ALG12: variants seen among roughly 807,000 people sequenced by gnomAD.
The protein encoded by ALG12 is ALG12 alpha-1,6-mannosyltransferase, also known as dol-P-Man:Man(7)GlcNAc(2)-PP-Dol alpha-1,6-mannosyltransferase.
A neutral mutation model predicts 46.0 loss-of-function variants in ALG12; 36 were observed. That is an observed-to-expected ratio of 0.78 (90% CI 0.60 to 1.03). The LOEUF (loss-of-function observed/expected upper bound fraction) is 1.03. Ranked by LOEUF, ALG12 falls within the 50% of genes least tolerant of loss-of-function variation. The pLI, the probability that ALG12 is intolerant of heterozygous loss-of-function variation, is 0.00. For synonymous variants in ALG12, 326 were observed against 291.6 expected (o/e 1.12, Z -1.20); for missense variants, 599 against 633.5 (o/e 0.95, Z 0.58).
the ALG12 span, among the ~76,000 whole-genome samples, chr22:49,867,424 A>G: frequency 1.3e-5 from 2 of 152,146 alleles, no homozygotes; most frequent in East Asian, 3.9e-4. Flanking sequence ...CAGTTGGCTG[A>G]CGGTATTGCT....
chr22:49,884,939 C>T, the ALG12 span: 16 of 1,608,906 alleles, frequency 9.9e-6, no homozygotes, highest in Non-Finnish European at 1.4e-5. Context: ...GCCTCGGCGT[C>T]CTCTCCTGAG....
chr22:49,909,022 T>C (rs1345884505), intron 6 of ALG12, among the ~76,000 whole-genome samples: 2 of 151,270 alleles, frequency 1.3e-5, no homozygotes, highest in Non-Finnish European at 2.9e-5. Context: ...GGCAGGGCTG[T>C]TTCCAGCCCT....
intron 7 of ALG12, 35 bp from the exon 8 acceptor site, chr22:49,904,541 C>A (rs754886909): frequency 6.2e-7 from 1 of 1,611,650 alleles, no homozygotes; most frequent in Admixed American, 1.7e-5. Flanking sequence ...ATAGGCAGAA[C>A]GTAATGACAA....
chr22:49,907,935 G>A lies in ALG12; in HGVS notation c.778C>T (p.Leu260=), dbSNP rs1449263103. The part of the protein sequence containing the change: ...NKSSNWGTSP[L]LWYFYSALPR... ...AGGGCTGAGTAGAAGTACCACAGCA[G>A]CGGGGAGGTCTGCGGGCTGGGTTAA... is the stretch of plus-strand genomic sequence containing the variant. The change falls in exon 7 of 10, where the codon CTG becomes TTG. Residue 260 remains leucine, a synonymous_variant. Transcript: ENST00000330817. 1.2e-6 allele frequency: 2 copies of A among 1,612,554 alleles called. No homozygotes were observed. Among genetic ancestry groups the A allele is most frequent in the Non-Finnish European group, 8.5e-7 (1 of 1,179,902 alleles).
At chr22:49,908,159 C>T (rs543002522) in intron 6 of ALG12, among the ~76,000 whole-genome samples, 4 of 152,334 alleles carry the variant, frequency 2.6e-5, no homozygotes, top group East Asian at 3.9e-4. Flanking sequence ...ACTTGGGCGT[C>T]GGGCCCCCTC....
Position 49,905,227 on chromosome 22 carries a change from G to A in ALG12, c.993-721C>T, listed in dbSNP as rs867294444. Among the ~76,000 whole-genome samples, 3 of 152,136 alleles carry A rather than the reference G, an allele frequency of 2.0e-5. No individual in the cohort carries two copies. The highest frequency in any genetic ancestry group is 4.4e-5 in the Non-Finnish European group (3 of 68,038). ...AGCTGCCACAGACAGTGTGGCCCAC[G>A]AAGATGAGGCTCTTTATTAGCTGGT... On this transcript the variant is annotated intron_variant, in intron 7 of 9. Transcript: ENST00000330817. The surrounding 1 kb of genome is among the most constrained non-coding windows in gnomAD (Gnocchi z 4.9).
At chr22:49,860,917 T>A in the ALG12 span, among the ~76,000 whole-genome samples, 3 of 151,886 alleles carry the variant, frequency 2.0e-5, no homozygotes, top group Non-Finnish European at 4.4e-5. Flanking sequence ...TAGCTGGGAC[T>A]ACAGGCGCCC....
the ALG12 span, among the ~76,000 whole-genome samples, chr22:49,892,187 CA>C: frequency 0.13 from 7,364 of 54,976 alleles, 39 homozygotes; most frequent in South Asian, 0.24. Context: ...GACTCTGTCT[CA>C]AAAAAAAAAA....
chr22:49,883,506 T>G, the ALG12 span: 1 of 1,066,108 alleles, frequency 9.4e-7, no homozygotes, highest in Non-Finnish European at 1.3e-6. Context: ...AGATTCTTTT[T>G]TTCAGTACTA....
At chr22:49,872,942 C>T in the ALG12 span, among the ~76,000 whole-genome samples, 19 of 152,084 alleles carry the variant, frequency 1.2e-4, no homozygotes, top group African/African-American at 4.3e-4. Flanking sequence ...GTGATCCACC[C>T]GCCTCGGCCT....
At chr22:49,907,691 A>G (rs2060550507) in intron 7 of ALG12, 30 bp downstream of exon 7, 1 of 1,602,324 alleles carries the variant, frequency 6.2e-7, no homozygotes, top group African/African-American at 1.3e-5. Flanking sequence ...ATGAAACTAT[A>G]AAAATGCATG....
At chr22:49,860,846 T>G in the ALG12 span, among the ~76,000 whole-genome samples, 2 of 151,800 alleles carry the variant, frequency 1.3e-5, no homozygotes, top group Non-Finnish European at 2.9e-5. Context: ...TGGCTCGATC[T>G]TGGCTCACTG....
At chr22:49,872,346 A>G in the ALG12 span, among the ~76,000 whole-genome samples, 4 of 152,126 alleles carry the variant, frequency 2.6e-5, no homozygotes, top group African/African-American at 7.2e-5. Context: ...GAGTACAGCA[A>G]TTCCGCCGTA....
chr22:49,894,102 T>C, the ALG12 span, among the ~76,000 whole-genome samples: 1 of 152,014 alleles, frequency 6.6e-6, no homozygotes, highest in Non-Finnish European at 1.5e-5. Flanking sequence ...GAGGCGGAGG[T>C]TGCAGTGAGC....
the ALG12 span, among the ~76,000 whole-genome samples, chr22:49,873,752 G>T: frequency 1.1e-4 from 17 of 152,290 alleles, no homozygotes; most frequent in Admixed American, 2.0e-4. Context: ...CCCAAGAAAG[G>T]CTCAGAGAGA....
Position 49,910,625 on chromosome 22 carries a change from C to T in ALG12, c.296-18G>A. 3 of 1,613,998 alleles carry T rather than the reference C, an allele frequency of 1.9e-6. No homozygotes were observed. The highest frequency in any genetic ancestry group is 2.5e-6 in the Non-Finnish European group (3 of 1,180,042). On this transcript the variant is annotated intron_variant, in intron 3 of 9. Coordinates refer to ENST00000330817, the MANE Select transcript of ALG12 (RefSeq NM_024105.4). ...TCCTCTAACTAAACAAAGACAGTGACAGCACCTGAGCCTGCAGTGGAGGAG... is the reference window on the plus strand; with the variant it reads ...TCCTCTAACTAAACAAAGACAGTGATAGCACCTGAGCCTGCAGTGGAGGAG...
intron 8 of ALG12, 33 bp from the exon 9 acceptor site, chr22:49,904,287 C>G: frequency 6.2e-7 from 1 of 1,614,178 alleles, no homozygotes. Context: ...CAGAGCCCAG[C>G]CCTGCAGTCG....
the ALG12 span, among the ~76,000 whole-genome samples, chr22:49,883,121 T>A: frequency 6.6e-6 from 1 of 152,020 alleles, no homozygotes; most frequent in South Asian, 2.1e-4. Flanking sequence ...GCCACTTGCA[T>A]TTTTTTTCAT....
In ALG12 at chr22:49,913,437, C is replaced by G; in HGVS notation, c.243G>C (p.Ala81=). The G allele has an allele frequency of 6.2e-7, 1 of 1,613,992 alleles. No homozygotes were observed. Among genetic ancestry groups the G allele is most frequent in the South Asian group, 1.1e-5 (1 of 91,086 alleles). Residue 81 remains alanine, a synonymous_variant, in exon 3 of 10, where the codon GCG becomes GCC. Coordinates refer to ENST00000330817, the MANE Select transcript of ALG12 (RefSeq NM_024105.4). The part of the protein sequence containing the change: ...PVVIAVFSSP[A]VYVLSLLEMS... ...TTTCTAACAGCGAAAGCACGTAAAC[C>G]GCGGGGCTGGAGAACACTGCGATCA...
Sources: allele counts gnomAD v4.1 joint callset (sites outside exome capture counted in the v4.1 genomes callset), GRCh38; gene constraint gnomAD v4.1.1; non-coding constraint Gnocchi (gnomAD v3.1); transcripts MANE v1.5; gene names NCBI Gene and HGNC (gene_info 2026-07-23, HGNC 2026-07-21).